The following RIT2 variants were observed in gnomAD, a reference collection of about 807,000 sequenced individuals.
RIT2 encodes Ras like without CAAX 2.
A neutral mutation model predicts 23.7 loss-of-function variants in RIT2; 24 were observed. The observed-to-expected ratio is 1.01, with a 90% CI of 0.73 to 1.43. The LOEUF (loss-of-function observed/expected upper bound fraction) is 1.43, where lower values mean the gene tolerates loss of function less well. Among genes scored for constraint, RIT2 ranks in the 40% most tolerant of loss-of-function variants. The pLI is 0.00. For synonymous variants in RIT2, 107 were observed against 91.1 expected (o/e 1.17, Z -0.99); for missense variants, 236 against 266.9 (o/e 0.88, Z 0.81).
intron 4 of RIT2, among the ~76,000 whole-genome samples, chr18:42,870,113 G>T (rs1907583822): frequency 2.6e-5 from 4 of 152,124 alleles, no homozygotes. Context: ...GTGGCTACTT[G>T]TCTTGTTTTA....
intron 4 of RIT2, among the ~76,000 whole-genome samples, chr18:42,890,387 T>A (rs549911084): frequency 6.6e-6 from 1 of 151,998 alleles, no homozygotes; most frequent in African/African-American, 2.4e-5. Context: ...GTAGATAAAA[T>A]TTTTAATACT....
intron 1 of RIT2, among the ~76,000 whole-genome samples, chr18:43,071,568 C>T (rs1912897696): frequency 1.3e-5 from 2 of 152,018 alleles, no homozygotes; most frequent in Admixed American, 6.6e-5. Flanking sequence ...CACATATGTG[C>T]CTTTTGAATC....
intron 1 of RIT2, among the ~76,000 whole-genome samples, chr18:43,094,740 G>A (rs1913509455): frequency 6.6e-6 from 1 of 151,986 alleles, no homozygotes. Context: ...ACCTGAGGTG[G>A]TACATTGTTT....
intron 4 of RIT2, among the ~76,000 whole-genome samples, chr18:42,886,111 T>A (rs1908016308): frequency 6.6e-6 from 1 of 152,218 alleles, no homozygotes; most frequent in Admixed American, 6.5e-5. Flanking sequence ...GTGATAATAT[T>A]TGATTTACTG....
chr18:42,965,628 C>A (rs550490784), intron 3 of RIT2, among the ~76,000 whole-genome samples: 1 of 137,914 alleles, frequency 7.3e-6, no homozygotes, highest in Non-Finnish European at 1.5e-5. Context: ...GAAGAAAAAA[C>A]TTTTTGTGCA....
intron 2 of RIT2, among the ~76,000 whole-genome samples, chr18:42,978,254 G>A (rs1485376563): frequency 6.6e-6 from 1 of 151,508 alleles, no homozygotes; most frequent in Non-Finnish European, 1.5e-5. Flanking sequence ...CCCTTCAAAG[G>A]GACTTGATGA....
intron 3 of RIT2, among the ~76,000 whole-genome samples, chr18:42,940,502 A>G (rs1909576091): frequency 6.6e-6 from 1 of 151,568 alleles, no homozygotes; most frequent in Admixed American, 6.6e-5. Context: ...ATCACACCGT[A>G]TGGCTGGCTT....
rs17716817 is a variant in RIT2, at chr18:43,115,646, G to A, written c.-127C>T. ...TTAGTACGAGGTAAGAACCATCAGCGTCGGGCTGGCTGCTGGTCCTCCGCT... is the reference window on the plus strand; with the variant it reads ...TTAGTACGAGGTAAGAACCATCAGCATCGGGCTGGCTGCTGGTCCTCCGCT... On this transcript the variant is annotated 5_prime_UTR_variant, in exon 1 of 5. In the 5' UTR this introduces an upstream ATG that the reference lacks. Coordinates refer to ENST00000326695, the MANE Select transcript of RIT2 (RefSeq NM_002930.4). 0.052 allele frequency: 69,586 copies of A among 1,341,874 alleles called. 2,073 individuals carry two copies. The highest frequency in any genetic ancestry group is 0.097 in the South Asian group (6,030 of 62,332). The allele number at this position is 1,341,874 out of a possible 1,614,324, so 83.1% of individuals were successfully genotyped here. A position where few individuals can be genotyped will look rare whatever the true frequency, so the allele number is the denominator to read the frequency against.
chr18:42,908,737 A>G (rs898707265), intron 4 of RIT2, among the ~76,000 whole-genome samples: 1 of 152,102 alleles, frequency 6.6e-6, no homozygotes, highest in African/African-American at 2.4e-5. Context: ...AATTGAGAGA[A>G]TTTGTTGCTA....
rs1033484172 is a variant in RIT2, at chr18:42,802,469, C to T, written c.427-58749G>A. ...GTGCAGTTTTAGGCATTGTGTTTTA[C>T]GGAAAATACTTATGGAAGGATGAAC... On this transcript the variant is annotated intron_variant, in intron 4 of 4. Coordinates refer to ENST00000326695, the MANE Select transcript of RIT2 (RefSeq NM_002930.4). 2.6e-5 allele frequency among the ~76,000 whole-genome samples: 4 copies of T among 151,902 alleles called. No homozygotes were observed. The East Asian group carries it at 5.8e-4, about 22-fold the overall frequency.
At position 42,743,544 on chromosome 18, in the gene RIT2, C is replaced by T. The variant is rs772379372; in HGVS notation, c.603G>A (p.Leu201=). 6.2e-7 allele frequency: 1 copy of T among 1,614,048 alleles called. No individual in the cohort carries two copies. Among genetic ancestry groups the T allele is most frequent in the South Asian group, 1.1e-5 (1 of 91,074 alleles). ...MEKKLKRKDS[L]WKKLKGSLKK... is the part of the protein sequence containing the mutation. ...TCAAAGAACCTTTGAGCTTCTTCCACAGGCTGTCTTTTCTCTTCAGTTTCT... is the reference window on the plus strand; with the variant it reads ...TCAAAGAACCTTTGAGCTTCTTCCATAGGCTGTCTTTTCTCTTCAGTTTCT... The change falls in exon 5 of 5, where the codon CTG becomes CTA. Residue 201 remains leucine (L), a synonymous_variant. Transcript: ENST00000326695.
chr18:43,049,686 A>C (rs1912330804), intron 1 of RIT2, among the ~76,000 whole-genome samples: 1 of 152,168 alleles, frequency 6.6e-6, no homozygotes, highest in South Asian at 2.1e-4. Context: ...CTGAATCTTG[A>C]ATAGTGAATA....
At chr18:42,755,518 C>T (rs563236516) in intron 4 of RIT2, among the ~76,000 whole-genome samples, 76 of 152,250 alleles carry the variant, frequency 5.0e-4, no homozygotes, top group African/African-American at 1.7e-3. Context: ...CTAATGCCAT[C>T]CCATTACTCT....
At chr18:43,107,677 G>C (rs1193685484) in intron 1 of RIT2, among the ~76,000 whole-genome samples, 5 of 152,052 alleles carry the variant, frequency 3.3e-5, no homozygotes, top group African/African-American at 9.7e-5. Context: ...ATGTGGTTGA[G>C]GCCCCCAGGG....
intron 2 of RIT2, among the ~76,000 whole-genome samples, chr18:42,997,122 G>A (rs905249020): frequency 1.3e-5 from 2 of 152,088 alleles, no homozygotes; most frequent in Non-Finnish European, 1.5e-5. Context: ...CATAGCTACT[G>A]ATTAATTTTT....
chr18:43,020,418 G>A (rs1329358571), intron 2 of RIT2, among the ~76,000 whole-genome samples: 3 of 151,918 alleles, frequency 2.0e-5, no homozygotes, highest in African/African-American at 7.3e-5. Context: ...CCTGGGAGGC[G>A]GAGGTTGCAG....
At chr18:43,087,048 G>C (rs909372172) in intron 1 of RIT2, among the ~76,000 whole-genome samples, 1 of 152,002 alleles carries the variant, frequency 6.6e-6, no homozygotes, top group Non-Finnish European at 1.5e-5. Flanking sequence ...CTAGGAGCTG[G>C]AGACCAGCCT....
At chr18:42,864,989 C>T (rs674340) in intron 4 of RIT2, among the ~76,000 whole-genome samples, 3,095 of 152,262 alleles carry the variant, frequency 0.02, 128 homozygotes, top group African/African-American at 0.07. Context: ...GAGCTTCAGT[C>T]TGATTGACAA....
chr18:42,922,666 T>C (rs1428439347), intron 4 of RIT2, among the ~76,000 whole-genome samples: 1 of 152,164 alleles, frequency 6.6e-6, no homozygotes, highest in African/African-American at 2.4e-5. Flanking sequence ...CCATCTGTTA[T>C]TGCCCAAGAA....
Sources: gnomAD v4.1 joint callset for allele counts (sites outside exome capture counted in the v4.1 genomes callset) on GRCh38, gnomAD v4.1.1 for gene constraint, MANE v1.5 for transcripts, NCBI Gene and HGNC (gene_info 2026-07-23, HGNC 2026-07-21) for gene names.